The following COL22A1 variants were observed in gnomAD, a reference collection of about 807,000 sequenced individuals.
COL22A1 encodes collagen type XXII alpha 1 chain.
Under a neutral mutation model 248.9 loss-of-function variants are expected in COL22A1, and 221 were observed. The observed-to-expected ratio is 0.89, with a 90% CI of 0.80 to 0.99. The LOEUF is 0.99. Among genes scored for constraint, COL22A1 ranks in the 50% least tolerant of loss-of-function variants. The pLI, the probability that COL22A1 is intolerant of heterozygous loss-of-function variation, is 0.00. For synonymous variants in COL22A1, 891 were observed against 793.4 expected (o/e 1.12, Z -2.07); for missense variants, 2,240 against 2,179.0 (o/e 1.03, Z -0.56).
intron 46 of COL22A1, among the ~76,000 whole-genome samples, chr8:138,647,402 T>C (rs1822300076): frequency 6.6e-6 from 1 of 152,204 alleles, no homozygotes; most frequent in Non-Finnish European, 1.5e-5. Flanking sequence ...TTTAAGCCAC[T>C]AAGTTTTGGA....
chr8:138,840,891 C>T (rs139019404), intron 4 of COL22A1, among the ~76,000 whole-genome samples: 1,876 of 152,206 alleles, frequency 0.012, 23 homozygotes, highest in Middle Eastern at 0.041. Context: ...GTATCACAGG[C>T]GTGAGCCACT....
intron 1 of COL22A1, among the ~76,000 whole-genome samples, chr8:138,909,973 G>A (rs1220383174): frequency 6.6e-6 from 1 of 152,204 alleles, no homozygotes; most frequent in Non-Finnish European, 1.5e-5. Flanking sequence ...GGGAAATCTT[G>A]TCACAAACAA....
At chr8:138,676,739 T>G in intron 40 of COL22A1, 104 bp from the exon 41 acceptor site, 7 of 844,610 alleles carry the variant, frequency 8.3e-6, no homozygotes, top group Non-Finnish European at 1.3e-5. Flanking sequence ...TGCAGGCTTC[T>G]CCTGCCACCT....
intron 9 of COL22A1, among the ~76,000 whole-genome samples, chr8:138,809,322 G>A (rs1817981012): frequency 6.6e-6 from 1 of 152,042 alleles, no homozygotes; most frequent in Non-Finnish European, 1.5e-5. Context: ...AATTCTATTT[G>A]TCTTAAAACC....
chr8:138,606,142 G>A (rs940047236), intron 58 of COL22A1, among the ~76,000 whole-genome samples: 5 of 152,178 alleles, frequency 3.3e-5, no homozygotes, highest in African/African-American at 1.2e-4. Context: ...AGCATAAGAG[G>A]TTATGACACT....
intron 6 of COL22A1, chr8:138,825,714 T>A: frequency 6.6e-6 from 1 of 152,048 alleles, no homozygotes; most frequent in East Asian, 1.9e-4. Flanking sequence ...ACTGCTGGAG[T>A]CCAATTGCTT....
chr8:138,711,489 T>C (rs185733616), intron 30 of COL22A1, among the ~76,000 whole-genome samples: 3 of 152,308 alleles, frequency 2.0e-5, no homozygotes, highest in Admixed American at 2.0e-4. Context: ...TCAAAGGGGC[T>C]TTATGGTCTC....
At chr8:138,693,823 G>A (rs1229980356) in intron 34 of COL22A1, 124 bp from the exon 35 acceptor site, 16 of 941,564 alleles carry the variant, frequency 1.7e-5, no homozygotes, top group Non-Finnish European at 2.3e-5. Flanking sequence ...GAAGGGGCCC[G>A]GGAGCACCGT....
intron 47 of COL22A1, among the ~76,000 whole-genome samples, chr8:138,644,961 G>C (rs924009784): frequency 2.0e-5 from 3 of 152,168 alleles, no homozygotes; most frequent in African/African-American, 7.2e-5. Context: ...ACCTGAGACA[G>C]GACAGGTAGT....
chr8:138,867,136 T>C (rs1822957529), intron 3 of COL22A1, among the ~76,000 whole-genome samples: 1 of 152,084 alleles, frequency 6.6e-6, no homozygotes, highest in Admixed American at 6.5e-5. Flanking sequence ...GCTATCCCAG[T>C]GTGAGAGCAG....
At chr8:138,901,568 T>C (rs935478995) in intron 1 of COL22A1, among the ~76,000 whole-genome samples, 6 of 151,922 alleles carry the variant, frequency 3.9e-5, no homozygotes, top group Admixed American at 6.6e-5. Flanking sequence ...GGTTTCACCA[T>C]GTTGCCTAGG....
chr8:138,641,535 C>CA (rs1821710326), intron 47 of COL22A1, among the ~76,000 whole-genome samples: 2 of 152,184 alleles, frequency 1.3e-5, no homozygotes, highest in Non-Finnish European at 2.9e-5. Context: ...ATCATAACCA[C>CA]AACTGCAGCA....
intron 16 of COL22A1, among the ~76,000 whole-genome samples, chr8:138,764,007 A>G (rs1216429122): frequency 6.6e-6 from 1 of 152,182 alleles, no homozygotes; most frequent in Non-Finnish European, 1.5e-5. Context: ...AAGATTATAT[A>G]TACAAATTAT....
At chr8:138,629,327 T>G (rs1428736275) in intron 50 of COL22A1, among the ~76,000 whole-genome samples, 2 of 151,858 alleles carry the variant, frequency 1.3e-5, no homozygotes, top group East Asian at 3.9e-4. Context: ...AGACTAATTT[T>G]TGTATTTTTA....
chr8:138,839,176 G>GA (rs1480178860), intron 4 of COL22A1, among the ~76,000 whole-genome samples: 1 of 152,220 alleles, frequency 6.6e-6, no homozygotes, highest in East Asian at 1.9e-4. Flanking sequence ...TGTGGAAGGA[G>GA]AGAAGAAGAG....
At chr8:138,785,908 T>C (rs1358839291) in intron 12 of COL22A1, among the ~76,000 whole-genome samples, 1 of 152,192 alleles carries the variant, frequency 6.6e-6, no homozygotes, top group Non-Finnish European at 1.5e-5. Flanking sequence ...TGTAAGGGAA[T>C]GGAAGACTCC....
Position 138,589,351 on chromosome 8 carries a change from G to A in COL22A1, c.4783C>T (p.Leu1595Phe), listed in dbSNP as rs561552719. Residue 1595 changes from leucine to phenylalanine, a missense_variant, in exon 65 of 65, where the codon CTC becomes TTC. Coordinates refer to ENST00000303045, the MANE Select transcript of COL22A1 (RefSeq NM_152888.3). ...GETGPAGHPG[L>F]PGPPGPPGQC... ...CCTGGGGGACCGGGAGGTCCTGGGA[G>A]GCCAGGATGTCCAGCTGGTCCTGTC... The A allele has an allele frequency of 5.0e-6, 8 of 1,611,300 alleles. No homozygotes were observed. The South Asian group carries it at 8.8e-5, about 18-fold the overall frequency.
chr8:138,680,161 A>G (rs1825849666), intron 39 of COL22A1, among the ~76,000 whole-genome samples: 1 of 152,260 alleles, frequency 6.6e-6, no homozygotes, highest in Non-Finnish European at 1.5e-5. Context: ...TGGTTAAGAA[A>G]GAACAGAGCA....
At chr8:138,771,865 G>A (rs1834395875) in intron 16 of COL22A1, among the ~76,000 whole-genome samples, 1 of 152,180 alleles carries the variant, frequency 6.6e-6, no homozygotes, top group Admixed American at 6.5e-5. Flanking sequence ...AGAGCTCTTT[G>A]CTTCTCTGGG....
Sources: allele counts gnomAD v4.1 joint callset (sites outside exome capture counted in the v4.1 genomes callset), GRCh38; gene constraint gnomAD v4.1.1; transcripts MANE v1.5; gene names NCBI Gene and HGNC (gene_info 2026-07-23, HGNC 2026-07-21).